XDH: variants seen among roughly 807,000 people sequenced by gnomAD.
XDH encodes xanthine dehydrogenase, also known as xanthine dehydrogenase/oxidase.
XDH carries 138 observed loss-of-function variants against 156.1 expected under a neutral mutation model. The ratio of observed to expected loss-of-function variants is 0.88; its 90% CI spans 0.77 to 1.02. XDH has a LOEUF of 1.02. Ranked by LOEUF, XDH falls within the 50% of genes least tolerant of loss-of-function variation. XDH has a pLI of 0.00. For missense variants in XDH, 1,849 were observed against 1,684.9 expected (o/e 1.10, Z -1.71); for synonymous variants, 669 against 625.7 (o/e 1.07, Z -1.03).
chr2:31,407,427 C>A (rs1271402198), intron 1 of XDH, among the ~76,000 whole-genome samples: 1 of 152,142 alleles, frequency 6.6e-6, no homozygotes, highest in Non-Finnish European at 1.5e-5. Flanking sequence ...GTCTTTAAAT[C>A]ATTTCCCAAA....
chr2:31,388,181 G>A, intron 7 of XDH, 46 bp downstream of exon 7: 1 of 1,604,208 alleles, frequency 6.2e-7, no homozygotes, highest in Non-Finnish European at 8.5e-7. Flanking sequence ...ACTCCTCTAA[G>A]TCTCAGATTA....
At chr2:31,399,388 G>A (rs1043472556) in intron 4 of XDH, among the ~76,000 whole-genome samples, 1 of 152,172 alleles carries the variant, frequency 6.6e-6, no homozygotes, top group Non-Finnish European at 1.5e-5. Flanking sequence ...CAGAGGAGGA[G>A]CAAGTGTGGG....
At chr2:31,365,157 C>A (rs530908156) in intron 23 of XDH, among the ~76,000 whole-genome samples, 1 of 152,158 alleles carries the variant, frequency 6.6e-6, no homozygotes. Flanking sequence ...GGCTACCAAG[C>A]GCGATGGTTT....
intron 26 of XDH, 134 bp downstream of exon 26, chr2:31,349,552 C>A: frequency 7.8e-7 from 1 of 1,287,864 alleles, no homozygotes; most frequent in African/African-American, 1.5e-5. Flanking sequence ...AAAGAGATGG[C>A]TGTGAATGAG....
At chr2:31,388,639 G>A (rs764197266) in intron 6 of XDH, among the ~76,000 whole-genome samples, 2 of 152,204 alleles carry the variant, frequency 1.3e-5, no homozygotes, top group Non-Finnish European at 2.9e-5. Context: ...GCGTCTATGA[G>A]GGATATTCCC....
intron 29 of XDH, 141 bp downstream of exon 29, chr2:31,347,381 T>C: frequency 7.9e-7 from 1 of 1,267,218 alleles, no homozygotes; most frequent in South Asian, 1.4e-5. Flanking sequence ...AGAAACAGCA[T>C]CCTCCTGGAT....
At chr2:31,358,848 T>C (rs1685698615) in intron 24 of XDH, among the ~76,000 whole-genome samples, 1 of 152,062 alleles carries the variant, frequency 6.6e-6, no homozygotes, top group African/African-American at 2.4e-5. Context: ...TGTCTTCCCC[T>C]TAAGAATAAA....
rs1558696712 is a variant in XDH at position 31,378,126 on chromosome 2, G to A, written c.1243-889C>T. On this transcript the variant is annotated intron_variant, in intron 13 of 35. Transcript: ENST00000379416. The stretch of plus-strand genomic sequence containing the variant: ...AGAAAGAAAGGAAGGAAGGAAGGAA[G>A]GAAGGAAGGAAGGAAGGAAGGAAGG... 5.9e-3 allele frequency among the ~76,000 whole-genome samples: 344 copies of A among 58,002 alleles called. 21 individuals carry two copies. The highest frequency in any genetic ancestry group is 0.021 in the African/African-American group (332 of 16,000). 38.1% of individuals were successfully genotyped at this position (58,002 alleles called of 152,430 possible).
intron 2 of XDH, among the ~76,000 whole-genome samples, chr2:31,404,143 ACGTTACCCTGC>A (rs568558211): frequency 9.1e-4 from 138 of 152,274 alleles, no homozygotes; most frequent in African/African-American, 3.2e-3. Context: ...ACACAGGAAC[ACGTTACCCTGC>A]CGGTGTGGCC....
intron 13 of XDH, among the ~76,000 whole-genome samples, chr2:31,378,055 GAAGAAAGAAAGAAAGAAAGAAAGA>G (rs149074112): frequency 0.014 from 899 of 65,514 alleles, 35 homozygotes; most frequent in East Asian, 0.037. Context: ...AGAAAGAAAG[GAAGAAAGAAAGAAAGAAAGAAAGA>G]AAGAAAGAAA....
At chr2:31,376,896 G>A (rs1360401895) in intron 14 of XDH, among the ~76,000 whole-genome samples, 157 bp downstream of exon 14, 1 of 150,892 alleles carries the variant, frequency 6.6e-6, no homozygotes, top group Non-Finnish European at 1.5e-5. Flanking sequence ...TATAGTAGAA[G>A]TAGAAGTGGT....
At chr2:31,367,901 T>C (rs1477609304) in intron 20 of XDH, 60 bp downstream of exon 20, 24 of 1,522,538 alleles carry the variant, frequency 1.6e-5, no homozygotes, top group Non-Finnish European at 2.1e-5. Flanking sequence ...TGCATATCTC[T>C]TGAATTTAAT....
intron 13 of XDH, among the ~76,000 whole-genome samples, chr2:31,378,107 A>AAAGAAAGGAAGGAAGGAAGG (rs1686309264): frequency 1.8e-5 from 1 of 54,472 alleles, no homozygotes. Context: ...AGAAAGAAAG[A>AAAGAAAGGAAGGAAGGAAGG]AAGGAAGGAA....
At chr2:31,385,538 C>G (rs1276443589) in intron 9 of XDH, among the ~76,000 whole-genome samples, 1 of 152,166 alleles carries the variant, frequency 6.6e-6, no homozygotes, top group African/African-American at 2.4e-5. Flanking sequence ...GAGAGCATGC[C>G]CCTCCACAGC....
chr2:31,358,146 C>G (rs1685675460), intron 24 of XDH, among the ~76,000 whole-genome samples: 1 of 152,100 alleles, frequency 6.6e-6, no homozygotes, highest in Non-Finnish European at 1.5e-5. Flanking sequence ...ACATTCTTCT[C>G]AGCACCACAT....
At chr2:31,341,939 T>C (rs1412152073) in intron 32 of XDH, among the ~76,000 whole-genome samples, 5 of 152,220 alleles carry the variant, frequency 3.3e-5, no homozygotes, top group African/African-American at 4.8e-5. Flanking sequence ...CACTTATCTG[T>C]TTACAAGCTG....
In XDH at chr2:31,339,573, G is replaced by C. The variant is rs747474813; in HGVS notation, c.3690C>G (p.Ile1230Met). Residue 1230 changes from isoleucine (I) to methionine (M), a missense_variant, in exon 34 of 36, where the codon ATC becomes ATG. Coordinates refer to ENST00000379416, the MANE Select transcript of XDH (RefSeq NM_000379.4). ...CAATGGGGATGCTGCCAAATGCCGG[G>C]ATCTTGTAGGTGCTAGGGCCACGGG... ...LHTRGPSTYK[I>M]PAFGSIPIEF... 1 of 1,614,218 alleles carries C rather than the reference G, an allele frequency of 6.2e-7. No homozygotes were observed.
In XDH at chr2:31,337,662, G is replaced by A. The variant is rs138936101; in HGVS notation, c.3930C>T (p.Cys1310=). 3.6e-4 allele frequency: 584 copies of A among 1,614,172 alleles called. No homozygotes were observed. Among genetic ancestry groups the A allele is most frequent in the Admixed American group, 9.8e-4 (59 of 60,028 alleles). ...ATACCAGGGTGGTGAACTTGTCCAC[G>A]CAGGCATTGCGGATCTTCTCCGGGG... ...PATPEKIRNA[C]VDKFTTLCVT... is the part of the protein sequence containing the mutation. Residue 1310 remains cysteine (C), a synonymous_variant, in exon 35 of 36, where the codon TGC becomes TGT. Coordinates refer to ENST00000379416, the MANE Select transcript of XDH (RefSeq NM_000379.4).
intron 4 of XDH, among the ~76,000 whole-genome samples, chr2:31,400,218 G>A (rs1345085906): frequency 6.6e-6 from 1 of 150,654 alleles, no homozygotes; most frequent in Non-Finnish European, 1.5e-5. Flanking sequence ...TAAGACCTGG[G>A]CCAAGCTCTG....
Sources: allele counts gnomAD v4.1 joint callset (sites outside exome capture counted in the v4.1 genomes callset), GRCh38; gene constraint gnomAD v4.1.1; transcripts MANE v1.5; gene names NCBI Gene and HGNC (gene_info 2026-07-23, HGNC 2026-07-21).